Variants in VRK1 observed in about 807,000 individuals in gnomAD.
VRK1 encodes VRK serine/threonine kinase 1, also known as serine/threonine-protein kinase VRK1.
Under a neutral mutation model 57.1 loss-of-function variants are expected in VRK1, and 33 were observed. That is an observed-to-expected ratio of 0.58 (90% CI 0.44 to 0.77). The LOEUF is 0.77. VRK1 is among the 30% of genes least tolerant of loss of function. The pLI, the probability that VRK1 is intolerant of heterozygous loss-of-function variation, is 0.00. For missense variants in VRK1, 413 were observed against 477.3 expected, an observed-to-expected ratio of 0.87 and a Z score of 1.25; for synonymous variants, 137 against 147.8, an observed-to-expected ratio of 0.93 and a Z score of 0.53.
intron 5 of VRK1, among the ~76,000 whole-genome samples, chr14:96,848,558 C>T (rs1887808858): frequency 6.6e-6 from 1 of 152,070 alleles, no homozygotes; most frequent in Non-Finnish European, 1.5e-5. Context: ...TCCCTGAAGT[C>T]ACTTTTAACA....
intron 1 of VRK1, among the ~76,000 whole-genome samples, chr14:96,799,785 C>T (rs1301663402): frequency 6.6e-6 from 1 of 152,132 alleles, no homozygotes; most frequent in Non-Finnish European, 1.5e-5. Flanking sequence ...GGATATTTTA[C>T]ATGCTTGCCA....
intron 11 of VRK1, among the ~76,000 whole-genome samples, chr14:96,863,583 C>T (rs551869050): frequency 1.8e-4 from 28 of 152,266 alleles, no homozygotes; most frequent in Admixed American, 8.5e-4. Context: ...CCTGGAAAGT[C>T]GTTGAGTAAG....
At chr14:96,819,360 G>C (rs1382420024) in intron 1 of VRK1, among the ~76,000 whole-genome samples, 3 of 152,156 alleles carry the variant, frequency 2.0e-5, no homozygotes, top group Non-Finnish European at 2.9e-5. Flanking sequence ...AGCAATTAAA[G>C]TGAAAATGAA....
At chr14:96,858,415 T>C (rs1713166111) in intron 10 of VRK1, among the ~76,000 whole-genome samples, 1 of 152,186 alleles carries the variant, frequency 6.6e-6, no homozygotes, top group African/African-American at 2.4e-5. Flanking sequence ...TGTTTAACAG[T>C]AGTTTCCTCA....
intron 1 of VRK1, among the ~76,000 whole-genome samples, chr14:96,822,086 T>A (rs1216229111): frequency 6.6e-6 from 1 of 152,004 alleles, no homozygotes; most frequent in Non-Finnish European, 1.5e-5. Context: ...CTGCCTTTTT[T>A]TTTTTTTCCT....
chr14:96,869,653 A>G (rs966631686), intron 11 of VRK1, among the ~76,000 whole-genome samples: 11 of 152,230 alleles, frequency 7.2e-5, no homozygotes, highest in African/African-American at 1.9e-4. Flanking sequence ...TTAAGAACAT[A>G]TAAGTCAAAT....
chr14:96,805,909 A>G (rs1024116208), intron 1 of VRK1, among the ~76,000 whole-genome samples: 8 of 151,240 alleles, frequency 5.3e-5, no homozygotes. Context: ...CTTTTTTTCC[A>G]CTGAAATGTT....
At chr14:96,820,596 T>G (rs1886562680) in intron 1 of VRK1, among the ~76,000 whole-genome samples, 1 of 152,186 alleles carries the variant, frequency 6.6e-6, no homozygotes, top group South Asian at 2.1e-4. Flanking sequence ...CAAATTTGCT[T>G]TTTGTCTAAC....
At chr14:96,846,030 G>T in intron 3 of VRK1, 65 bp from the exon 4 acceptor site, 1 of 1,389,034 alleles carries the variant, frequency 7.2e-7, no homozygotes, top group East Asian at 2.3e-5. Flanking sequence ...CTTTTTTGAA[G>T]GTTCATTGAA....
At chr14:96,854,061 GGA>G (rs1473960230) in intron 7 of VRK1, among the ~76,000 whole-genome samples, 2 of 151,966 alleles carry the variant, frequency 1.3e-5, no homozygotes, top group Non-Finnish European at 2.9e-5. Flanking sequence ...CAGTTATGGT[GGA>G]TAGAAGGGAA....
At chr14:96,860,764 GTCT>G (rs1181598089) in intron 11 of VRK1, 29 bp downstream of exon 11, 2 of 1,549,932 alleles carry the variant, frequency 1.3e-6, no homozygotes, top group African/African-American at 2.7e-5. Flanking sequence ...TTATTCTTTG[GTCT>G]TCTTGTGTTT....
At chr14:96,847,220 A>G in intron 4 of VRK1, 37 bp from the exon 5 acceptor site, 1 of 1,553,112 alleles carries the variant, frequency 6.4e-7, no homozygotes, top group Non-Finnish European at 8.9e-7. Context: ...ATTTATGTAT[A>G]ACAATTGAAA....
chr14:96,866,842 T>G (rs1888606728), intron 11 of VRK1, among the ~76,000 whole-genome samples: 1 of 152,236 alleles, frequency 6.6e-6, no homozygotes. Flanking sequence ...AAATATTTCT[T>G]AATTGTTATT....
intron 11 of VRK1, among the ~76,000 whole-genome samples, chr14:96,861,430 A>G (rs1292685927): frequency 6.6e-6 from 1 of 152,180 alleles, no homozygotes; most frequent in African/African-American, 2.4e-5. Context: ...ATTATTTAAT[A>G]CAATGTGTTA....
At chr14:96,852,976 GT>G in intron 6 of VRK1, 37 bp downstream of exon 6, 1 of 1,609,770 alleles carries the variant, frequency 6.2e-7, no homozygotes, top group Middle Eastern at 1.7e-4. Context: ...TTAAAAAATT[GT>G]TTTGAGTACA....
intron 1 of VRK1, among the ~76,000 whole-genome samples, chr14:96,822,333 C>T (rs890081266): frequency 2.6e-5 from 4 of 152,096 alleles, no homozygotes; most frequent in African/African-American, 9.7e-5. Context: ...CAATGGGACT[C>T]AGTATTGTTT....
At chr14:96,807,367 T>G (rs1885921375) in intron 1 of VRK1, among the ~76,000 whole-genome samples, 1 of 152,226 alleles carries the variant, frequency 6.6e-6, no homozygotes, top group African/African-American at 2.4e-5. Context: ...GTATTCTCAG[T>G]CTTTTTGATT....
At position 96,847,276 on chromosome 14, in the gene VRK1, C is replaced by T; in HGVS notation, c.306C>T (p.Thr102=). The change falls in exon 5 of 13, where the codon ACC becomes ACT. Residue 102 remains threonine (T), a synonymous_variant. Transcript: ENST00000216639. ...KPEQIQKWIR[T]RKLKYLGVPK... ...TTGTAGTTCAGAAATGGATTCGTAC[C>T]CGTAAGCTGAAGTACCTGGGTGTTC... 6.2e-7 allele frequency: 1 copy of T among 1,613,518 alleles called. No individual in the cohort carries two copies. Among genetic ancestry groups the T allele is most frequent in the South Asian group, 1.1e-5 (1 of 91,062 alleles).
intron 11 of VRK1, among the ~76,000 whole-genome samples, chr14:96,864,034 G>T (rs900254556): frequency 6.6e-6 from 1 of 152,156 alleles, no homozygotes; most frequent in Non-Finnish European, 1.5e-5. Context: ...GCCTGATACG[G>T]TAATAAAGAT....
Sources: allele counts gnomAD v4.1 joint callset (sites outside exome capture counted in the v4.1 genomes callset), GRCh38; gene constraint gnomAD v4.1.1; transcripts MANE v1.5; gene names NCBI Gene and HGNC (gene_info 2026-07-23, HGNC 2026-07-21).